Variants in SUGCT observed in about 807,000 individuals in gnomAD.
SUGCT encodes succinyl-CoA:glutarate-CoA transferase, also known as succinyl-CoA:glutarate CoA-transferase.
Under a neutral mutation model 55.0 loss-of-function variants are expected in SUGCT, and 41 were observed. That is an observed-to-expected ratio of 0.74 (90% CI 0.58 to 0.97). The LOEUF (loss-of-function observed/expected upper bound fraction) is 0.97, where lower values mean the gene tolerates loss of function less well. Ranked by LOEUF, SUGCT falls within the 50% of genes least tolerant of loss-of-function variation. The pLI is 0.00. For missense variants in SUGCT, 568 were observed against 547.8 expected, an observed-to-expected ratio of 1.04 and a Z score of -0.37; for synonymous variants, 187 against 200.4, an observed-to-expected ratio of 0.93 and a Z score of 0.56.
At chr7:41,020,779 G>C in the SUGCT span, among the ~76,000 whole-genome samples, 1 of 152,164 alleles carries the variant, frequency 6.6e-6, no homozygotes, top group Admixed American at 6.5e-5. Context: ...TTCTGGATAA[G>C]TCATAAGACC....
intron 1 of SUGCT, among the ~76,000 whole-genome samples, chr7:40,142,337 A>G (rs997140104): frequency 2.6e-5 from 4 of 152,250 alleles, no homozygotes; most frequent in Non-Finnish European, 4.4e-5. Context: ...TAGAACTCAT[A>G]TCTAACATTC....
At chr7:40,569,224 G>A (rs1796306105) in intron 12 of SUGCT, among the ~76,000 whole-genome samples, 1 of 152,144 alleles carries the variant, frequency 6.6e-6, no homozygotes, top group South Asian at 2.1e-4. Context: ...GAATCTAAAT[G>A]TAGGACGTAG....
intron 9 of SUGCT, among the ~76,000 whole-genome samples, chr7:40,413,540 T>C (rs1015980340): frequency 6.6e-6 from 1 of 152,210 alleles, no homozygotes; most frequent in Non-Finnish European, 1.5e-5. Flanking sequence ...ATGTACATTT[T>C]AAATGCAATA....
intron 11 of SUGCT, among the ~76,000 whole-genome samples, chr7:40,483,112 GC>G (rs1195009160): frequency 6.6e-6 from 1 of 152,152 alleles, no homozygotes; most frequent in African/African-American, 2.4e-5. Flanking sequence ...CGGTAGAAAT[GC>G]CGACCAACAA....
At chr7:40,176,336 C>T (rs1341396950) in intron 1 of SUGCT, among the ~76,000 whole-genome samples, 1 of 152,064 alleles carries the variant, frequency 6.6e-6, no homozygotes, top group Admixed American at 6.5e-5. Context: ...TCAGTAAAAG[C>T]TTCATAGTGG....
rs1789262667 is a variant in SUGCT at position 40,452,833 on chromosome 7, AC to A, written c.888+3479del. Among the ~76,000 whole-genome samples, 7 of 152,242 alleles carry A rather than the reference AC, an allele frequency of 4.6e-5. No individual in the cohort carries two copies. In the South Asian group the frequency reaches 1.5e-3, roughly 32 times the overall value. ...GAGAGTAAATACACTTTTCCCACTT[AC>A]CCCGAGCACGGTGATCATACCTGGA... On this transcript the variant is annotated intron_variant, in intron 10 of 13. Transcript: ENST00000335693.
intron 12 of SUGCT, among the ~76,000 whole-genome samples, chr7:40,637,667 G>A (rs1041543097): frequency 6.6e-6 from 1 of 152,190 alleles, no homozygotes; most frequent in Non-Finnish European, 1.5e-5. Flanking sequence ...TCCATGTTTT[G>A]CTTCTAACTG....
At chr7:40,878,562 T>G in the SUGCT span, among the ~76,000 whole-genome samples, 1 of 152,168 alleles carries the variant, frequency 6.6e-6, no homozygotes, top group African/African-American at 2.4e-5. Flanking sequence ...CTGCTCTAGT[T>G]TTCCTTAGAC....
intron 12 of SUGCT, among the ~76,000 whole-genome samples, chr7:40,603,098 C>T (rs1798368050): frequency 6.6e-6 from 1 of 152,098 alleles, no homozygotes; most frequent in African/African-American, 2.4e-5. Flanking sequence ...TTACAGTTAT[C>T]CTCTAGTTGG....
chr7:40,438,340 A>G (rs775041344), intron 9 of SUGCT, among the ~76,000 whole-genome samples: 1 of 152,098 alleles, frequency 6.6e-6, no homozygotes, highest in East Asian at 1.9e-4. Context: ...TGTGTCTCCT[A>G]GTTTGATCAT....
the SUGCT span, chr7:40,966,867 C>G: frequency 6.6e-6 from 1 of 152,148 alleles, no homozygotes; most frequent in Non-Finnish European, 1.5e-5. Flanking sequence ...GTTGAAAGAG[C>G]TGAAAGAAAC....
intron 1 of SUGCT, among the ~76,000 whole-genome samples, chr7:40,144,234 C>A (rs573505769): frequency 6.6e-6 from 1 of 152,124 alleles, no homozygotes; most frequent in African/African-American, 2.4e-5. Context: ...TGGCAAGTCC[C>A]CACAGGGTAT....
chr7:40,934,690 T>A, the SUGCT span, among the ~76,000 whole-genome samples: 1 of 151,864 alleles, frequency 6.6e-6, no homozygotes, highest in African/African-American at 2.4e-5. Context: ...TGCAGGTCGA[T>A]CTCAGACTGC....
intron 11 of SUGCT, among the ~76,000 whole-genome samples, chr7:40,474,592 C>CTG (rs2151476750): frequency 6.6e-6 from 1 of 152,292 alleles, no homozygotes; most frequent in Admixed American, 6.5e-5. Flanking sequence ...CAGCATGGAA[C>CTG]TGTTTATACT....
intron 12 of SUGCT, among the ~76,000 whole-genome samples, chr7:40,512,206 G>A (rs761222002): frequency 3.3e-5 from 5 of 152,246 alleles, no homozygotes; most frequent in Admixed American, 1.3e-4. Context: ...TTCAGATGCT[G>A]TCCAATTCCT....
the SUGCT span, among the ~76,000 whole-genome samples, chr7:40,893,047 A>G: frequency 6.6e-6 from 1 of 152,190 alleles, no homozygotes; most frequent in South Asian, 2.1e-4. Flanking sequence ...ATCTGACAAA[A>G]TAGACTTAAA....
chr7:40,787,411 G>A (rs1790065441), intron 13 of SUGCT, among the ~76,000 whole-genome samples: 1 of 151,848 alleles, frequency 6.6e-6, no homozygotes, highest in Non-Finnish European at 1.5e-5. Context: ...CACCAGTTTT[G>A]CTGGGTCTGG....
At chr7:40,968,670 G>T in the SUGCT span, among the ~76,000 whole-genome samples, 2 of 152,166 alleles carry the variant, frequency 1.3e-5, no homozygotes, top group African/African-American at 2.4e-5. Flanking sequence ...AGACCAAAAG[G>T]CATAGCTGGG....
intron 7 of SUGCT, among the ~76,000 whole-genome samples, chr7:40,251,950 A>C (rs1790448047): frequency 6.6e-6 from 1 of 152,056 alleles, no homozygotes; most frequent in South Asian, 2.1e-4. Flanking sequence ...AAAAAAAACA[A>C]AGAAATAAAT....
Sources: allele counts gnomAD v4.1 joint callset (sites outside exome capture counted in the v4.1 genomes callset), GRCh38; gene constraint gnomAD v4.1.1; transcripts MANE v1.5; gene names NCBI Gene and HGNC (gene_info 2026-07-23, HGNC 2026-07-21).